CNTNAP4: variants seen among roughly 807,000 people sequenced by gnomAD.
CNTNAP4 encodes contactin associated protein family member 4.
Under a neutral mutation model 148.4 loss-of-function variants are expected in CNTNAP4, and 98 were observed. That is an observed-to-expected ratio of 0.66 (90% CI 0.56 to 0.78). CNTNAP4 has a LOEUF of 0.78. CNTNAP4 is among the 30% of genes least tolerant of loss of function. The pLI is 0.00. For missense variants in CNTNAP4, 1,935 were observed against 1,565.6 expected (o/e 1.24, Z -3.98); for synonymous variants, 730 against 565.1 (o/e 1.29, Z -4.14).
Position 76,427,619 on chromosome 16 carries a change from A to G in CNTNAP4, c.538+20A>G. On this transcript the variant is annotated intron_variant, in intron 4 of 23. Transcript: ENST00000611870. Reference sequence around the variant, plus strand: ...CATACAGTAAGTGTTTGTTTATCCAATACACTGACATAGATATCAAAAGAG... The same window carrying G: ...CATACAGTAAGTGTTTGTTTATCCAGTACACTGACATAGATATCAAAAGAG... 6.3e-7 allele frequency: 1 copy of G among 1,586,288 alleles called. No homozygotes were observed. Among genetic ancestry groups the G allele is most frequent in the Non-Finnish European group, 8.6e-7 (1 of 1,167,256 alleles).
chr16:76,458,953 C>G (rs973821939), intron 8 of CNTNAP4, among the ~76,000 whole-genome samples: 1 of 151,970 alleles, frequency 6.6e-6, no homozygotes, highest in Admixed American at 6.5e-5. Flanking sequence ...TTTCTGTAGC[C>G]TTGCCAAAAT....
chr16:76,293,700 C>T (rs1959176325), intron 1 of CNTNAP4, among the ~76,000 whole-genome samples: 1 of 151,860 alleles, frequency 6.6e-6, no homozygotes, highest in South Asian at 2.1e-4. Context: ...ACTTACTGGA[C>T]ATTGTTGAAA....
chr16:76,560,309 C>T lies in CNTNAP4; in HGVS notation c.*1626C>T, dbSNP rs2085365868. Among the ~76,000 whole-genome samples the T allele has an allele frequency of 6.6e-6, 1 of 152,176 alleles. No homozygotes were observed. The highest frequency in any genetic ancestry group is 2.4e-5 in the African/African-American group (1 of 41,436). On this transcript the variant is annotated 3_prime_UTR_variant, in exon 24 of 24. Transcript: ENST00000611870. ...AACTCTTCTTATAAAACCTGCCTCT[C>T]TTTTCTCATAGCACTATATCCATAT...
At position 76,516,020 on chromosome 16, in the gene CNTNAP4, A is replaced by T. The variant is rs947735093; in HGVS notation, c.2366-5120A>T. 1.9e-4 allele frequency among the ~76,000 whole-genome samples: 29 copies of T among 152,168 alleles called. 1 individual carries two copies. The highest frequency in any genetic ancestry group is 1.9e-3 in the Admixed American group (29 of 15,282). ...TGTATGTGCCACAGGCGTTGGCTGCACCTATCAACCCGTCATCTAGGTTTT... is the reference window on the plus strand; with the variant it reads ...TGTATGTGCCACAGGCGTTGGCTGCTCCTATCAACCCGTCATCTAGGTTTT... On this transcript the variant is annotated intron_variant, in intron 15 of 23. Transcript: ENST00000611870.
At chr16:76,373,418 A>G (rs2015075709) in intron 3 of CNTNAP4, among the ~76,000 whole-genome samples, 1 of 152,150 alleles carries the variant, frequency 6.6e-6, no homozygotes, top group African/African-American at 2.4e-5. Context: ...AATTGCCTTT[A>G]TAAGTCATAC....
In CNTNAP4 at chr16:76,559,557, A is replaced by G. The variant is rs73623115; in HGVS notation, c.*874A>G. On this transcript the variant is annotated 3_prime_UTR_variant, in exon 24 of 24. Coordinates refer to ENST00000611870, the MANE Select transcript of CNTNAP4 (RefSeq NM_033401.5). Reference sequence around the variant, plus strand: ...ATTCTTAACACAGCAAAAAATTATTATTTAATTTACAACTGTAATACCTCA... The same window carrying G: ...ATTCTTAACACAGCAAAAAATTATTGTTTAATTTACAACTGTAATACCTCA... 0.012 allele frequency among the ~76,000 whole-genome samples: 1,901 copies of G among 152,292 alleles called. 52 individuals carry two copies. The highest frequency in any genetic ancestry group is 0.043 in the African/African-American group (1,774 of 41,558).
chr16:76,474,128 A>T (rs187188777), intron 10 of CNTNAP4, among the ~76,000 whole-genome samples: 2 of 152,312 alleles, frequency 1.3e-5, no homozygotes, highest in Admixed American at 1.3e-4. Flanking sequence ...ACTGGCTAAC[A>T]GTGAGATGAG....
chr16:76,327,549 GTC>G (rs537171960), intron 2 of CNTNAP4, among the ~76,000 whole-genome samples: 3 of 152,216 alleles, frequency 2.0e-5, no homozygotes, highest in African/African-American at 7.2e-5. Flanking sequence ...TCTAAACCCT[GTC>G]TCTCTCTCAG....
chr16:76,522,413 C>G (rs2083492276), intron 17 of CNTNAP4, among the ~76,000 whole-genome samples, 156 bp downstream of exon 17: 3 of 152,126 alleles, frequency 2.0e-5, no homozygotes, highest in Admixed American at 6.6e-5. Flanking sequence ...TGCTTCATTT[C>G]TTCTGCATAA....
chr16:76,454,522 A>T (rs1568239486), intron 8 of CNTNAP4, among the ~76,000 whole-genome samples: 1 of 152,222 alleles, frequency 6.6e-6, no homozygotes, highest in Non-Finnish European at 1.5e-5. Context: ...ACTAGACTAA[A>T]TATGAATGTC....
In CNTNAP4 at chr16:76,495,018, G is replaced by A; in HGVS notation, c.2189G>A (p.Cys730Tyr). Residue 730 changes from cysteine to tyrosine, a missense_variant, in exon 14 of 24, where the codon TGC becomes TAC. Coordinates refer to ENST00000611870, the MANE Select transcript of CNTNAP4 (RefSeq NM_033401.5). The part of the protein sequence containing the change: ...QKCTCGLEGN[C>Y]IDSQYYCNCD... ...TGTACTTGTGGATTAGAGGGAAACT[G>A]CATTGATTCTCAGTATTACTGCAAT... 1 of 1,613,522 alleles carries A rather than the reference G, an allele frequency of 6.2e-7. No homozygotes were observed. Among genetic ancestry groups the A allele is most frequent in the Non-Finnish European group, 8.5e-7 (1 of 1,179,558 alleles).
At chr16:76,352,247 T>C (rs567715415) in intron 2 of CNTNAP4, among the ~76,000 whole-genome samples, 2 of 152,250 alleles carry the variant, frequency 1.3e-5, no homozygotes, top group East Asian at 1.9e-4. Context: ...ATTTCTAAAG[T>C]TTTGACAGGG....
At chr16:76,482,009 ATTT>A (rs10568011) in intron 12 of CNTNAP4, among the ~76,000 whole-genome samples, 43 of 150,140 alleles carry the variant, frequency 2.9e-4, no homozygotes, top group Non-Finnish European at 5.5e-4. Flanking sequence ...TTATTTTTTT[ATTT>A]TTTTTTTTAA....
chr16:76,328,087 C>T (rs546038541), intron 2 of CNTNAP4, among the ~76,000 whole-genome samples: 5 of 152,232 alleles, frequency 3.3e-5, no homozygotes, highest in African/African-American at 7.2e-5. Context: ...AGATTTTCTC[C>T]GTTCAAGGAA....
chr16:76,392,227 C>T (rs1191341261), intron 3 of CNTNAP4, among the ~76,000 whole-genome samples: 1 of 152,202 alleles, frequency 6.6e-6, no homozygotes, highest in African/African-American at 2.4e-5. Context: ...CTCCTGACCT[C>T]AAGTGATCTG....
chr16:76,437,077 G>T (rs1243072801), intron 4 of CNTNAP4, among the ~76,000 whole-genome samples: 1 of 151,874 alleles, frequency 6.6e-6, no homozygotes, highest in Non-Finnish European at 1.5e-5. Context: ...AAGGAAGCTA[G>T]TCCACGTTTC....
In CNTNAP4 at chr16:76,452,595, T is replaced by A. The variant is rs1366812913; in HGVS notation, c.1159T>A (p.Ser387Thr). The A allele has an allele frequency of 6.2e-7, 1 of 1,614,008 alleles. No individual in the cohort carries two copies. Among genetic ancestry groups the A allele is most frequent in the Admixed American group, 1.7e-5 (1 of 60,026 alleles). ...SRSYLALPDF[S>T]GEEEVSATFQ... is the part of the protein sequence containing the mutation. ...GAGTTATTTAGCACTGCCAGACTTC[T>A]CTGGAGAGGAGGAGGTTTCTGCCAC... The change falls in exon 8 of 24, where the codon TCT becomes ACT. Residue 387 changes from serine (S) to threonine (T), a missense_variant. By Grantham distance (58) the Ser-to-Thr change is moderately conservative. Transcript: ENST00000611870.
chr16:76,538,037 TA>T, intron 18 of CNTNAP4, 78 bp from the exon 19 acceptor site: 1 of 621,572 alleles, frequency 1.6e-6, no homozygotes, highest in Non-Finnish European at 2.4e-6. Context: ...TTAAAGAAAC[TA>T]AAATATAATT....
chr16:76,455,577 G>A (rs1034134989), intron 8 of CNTNAP4, among the ~76,000 whole-genome samples: 3 of 152,116 alleles, frequency 2.0e-5, no homozygotes, highest in Admixed American at 1.3e-4. Context: ...CAAAGTGATG[G>A]GTACCAACCA....
Sources: allele counts gnomAD v4.1 joint callset (sites outside exome capture counted in the v4.1 genomes callset), GRCh38; gene constraint gnomAD v4.1.1; transcripts MANE v1.5; gene names NCBI Gene and HGNC (gene_info 2026-07-23, HGNC 2026-07-21).